Variants in GGA2 observed in about 807,000 individuals in gnomAD.
The protein encoded by GGA2 is golgi associated, gamma adaptin ear containing, ARF binding protein 2.
GGA2 carries 48 observed loss-of-function variants against 79.5 expected under a neutral mutation model. That is an observed-to-expected ratio of 0.60 (90% CI 0.48 to 0.77). The LOEUF is 0.77. Among genes scored for constraint, GGA2 ranks in the 30% least tolerant of loss-of-function variants. GGA2 has a pLI of 0.00. For synonymous variants in GGA2, 317 were observed against 302.0 expected (o/e 1.05, Z -0.51); for missense variants, 770 against 774.0 (o/e 0.99, Z 0.06).
chr16:23,510,464 T>G lies in GGA2; in HGVS notation c.-53A>C. On this transcript the variant is annotated 5_prime_UTR_variant, in exon 1 of 17. Coordinates refer to ENST00000309859, the MANE Select transcript of GGA2 (RefSeq NM_015044.4). ...GGCGCCACTGCCTCTTCAGCCGCTG[T>G]AGCGTCCTGGCGCTCTCCTCTGCTG... The G allele has an allele frequency of 3.1e-6, 2 of 643,318 alleles. No individual in the cohort carries two copies. Among genetic ancestry groups the G allele is most frequent in the Non-Finnish European group, 4.6e-6 (2 of 438,190 alleles). The allele number at this position is 643,318 out of a possible 1,614,324, so 39.9% of individuals were successfully genotyped here.
chr16:23,487,269 C>T (rs1004112194), intron 6 of GGA2, among the ~76,000 whole-genome samples: 3 of 152,176 alleles, frequency 2.0e-5, no homozygotes, highest in Admixed American at 1.3e-4. Flanking sequence ...CGTAAGCCAG[C>T]GTGCCTGGCC....
intron 8 of GGA2, among the ~76,000 whole-genome samples, chr16:23,483,412 A>G (rs1302874664): frequency 6.6e-6 from 1 of 152,108 alleles, no homozygotes; most frequent in Non-Finnish European, 1.5e-5. Context: ...AGGAATTTGG[A>G]AAGACAGTAG....
intron 15 of GGA2, chr16:23,469,546 A>G (rs529127813): frequency 6.3e-6 from 1 of 158,546 alleles, no homozygotes; most frequent in South Asian, 1.9e-4. Context: ...ACATTGGCCA[A>G]GTGTCTCATA....
intron 8 of GGA2, among the ~76,000 whole-genome samples, chr16:23,483,826 T>C (rs1964679416): frequency 6.6e-6 from 1 of 151,430 alleles, no homozygotes. Context: ...ACTGTATTTT[T>C]AGTAGAGATG....
upstream of GGA2, among the ~76,000 whole-genome samples, chr16:23,514,474 G>A (rs1006430388): frequency 6.6e-6 from 1 of 151,298 alleles, no homozygotes; most frequent in African/African-American, 2.4e-5. Context: ...TTGAGACAGG[G>A]TCTTGCTCTG....
rs913490174 is a variant in GGA2 at position 23,463,628 on chromosome 16, G to A, written c.*3962C>T. On this transcript the variant is annotated 3_prime_UTR_variant, in exon 17 of 17. Transcript: ENST00000309859. ...TTTATCTATAATTCCCTGACCCAAA[G>A]ATTACCACTGTCAGATGTGCACACA... 6.6e-6 allele frequency: 1 copy of A among 152,198 alleles called. No individual in the cohort carries two copies. The highest frequency in any genetic ancestry group is 1.9e-4 in the East Asian group (1 of 5,198). The allele number at this position is 152,198 out of a possible 1,614,324, so 9.4% of individuals were successfully genotyped here.
At chr16:23,493,696 T>C (rs2142133417) in intron 3 of GGA2, 1 of 483,282 alleles carries the variant, frequency 2.1e-6, no homozygotes, top group African/African-American at 2.0e-5. Context: ...TAGTGAGGTA[T>C]GTCAAACCCT....
At chr16:23,496,560 C>T (rs990013871) in intron 1 of GGA2, among the ~76,000 whole-genome samples, 2 of 152,080 alleles carry the variant, frequency 1.3e-5, no homozygotes, top group Non-Finnish European at 2.9e-5. Flanking sequence ...TGGTGGCTCA[C>T]ACCTGTAATC....
Position 23,479,795 on chromosome 16 carries a change from A to G in GGA2, c.1099T>C (p.Ser367Pro). The G allele has an allele frequency of 6.2e-7, 1 of 1,614,128 alleles. No homozygotes were observed. Among genetic ancestry groups the G allele is most frequent in the Non-Finnish European group, 8.5e-7 (1 of 1,180,000 alleles). The stretch of plus-strand genomic sequence containing the variant: ...GCTGCCAGGTCCTGATGAAGCAAAG[A>G]TGGCACCACAGTCCCCATCTGCGCA... ...GPAQMGTVVPSLLHQDLAALG... is the reference protein window; with the variant it reads ...GPAQMGTVVPPLLHQDLAALG... Residue 367 changes from serine to proline, a missense_variant, in exon 11 of 17, where the codon TCT (serine) becomes CCT (proline). Transcript: ENST00000309859.
At chr16:23,475,122 G>C (rs560145146) in intron 13 of GGA2, 61 bp from the exon 14 acceptor site, 1 of 1,070,632 alleles carries the variant, frequency 9.3e-7, no homozygotes, top group African/African-American at 1.6e-5. Flanking sequence ...CTGGAATCTG[G>C]GTTAGGCTTA....
At chr16:23,469,074 G>T in intron 15 of GGA2, 78 bp from the exon 16 acceptor site, 1 of 901,088 alleles carries the variant, frequency 1.1e-6, no homozygotes, top group African/African-American at 1.6e-5. Context: ...AGGGGGAGCT[G>T]GACCTCCCCA....
At chr16:23,512,336 G>A (rs537893394), upstream of GGA2, among the ~76,000 whole-genome samples, 7 of 152,294 alleles carry the variant, frequency 4.6e-5, no homozygotes, top group East Asian at 5.8e-4. Flanking sequence ...TATGGCCTGC[G>A]TTCCACAGGA....
In GGA2 at chr16:23,482,854, G is replaced by C. The variant is rs560506279; in HGVS notation, c.880+69C>G. On this transcript the variant is annotated intron_variant, in intron 9 of 16. Transcript: ENST00000309859. ...ACTCTGTCTTGTTCCTGGCACAGCA[G>C]TGTGACAGGAGGGACCGAGTCTGTC... 95 of 918,006 alleles carry C rather than the reference G, an allele frequency of 1.0e-4. No individual in the cohort carries two copies. The South Asian group carries it at 1.2e-3, about 12-fold the overall frequency. 56.9% of individuals were successfully genotyped at this position (918,006 alleles called of 1,614,324 possible). A position where few individuals can be genotyped will look rare whatever the true frequency, so the allele number is the denominator to read the frequency against.
chr16:23,495,406 A>T (rs1350964687), intron 2 of GGA2: 1 of 222,734 alleles, frequency 4.5e-6, no homozygotes, highest in African/African-American at 2.3e-5. Flanking sequence ...CTAATTTTAG[A>T]AAAATAATGT....
At chr16:23,500,937 C>T in intron 1 of GGA2, 3 of 277,314 alleles carry the variant, frequency 1.1e-5, no homozygotes, top group Non-Finnish European at 1.4e-5. Context: ...ACCATGGCAT[C>T]TTGATAGAAA....
chr16:23,476,886 T>C (rs1964582149), intron 13 of GGA2, among the ~76,000 whole-genome samples: 1 of 152,218 alleles, frequency 6.6e-6, no homozygotes, highest in African/African-American at 2.4e-5. Flanking sequence ...TCTTTTCAGA[T>C]GTCTTGGCCA....
intron 2 of GGA2, 168 bp from the exon 3 acceptor site, chr16:23,494,546 C>G: frequency 1.6e-6 from 1 of 623,734 alleles, no homozygotes; most frequent in Admixed American, 2.7e-5. Flanking sequence ...AGGGCCACCT[C>G]GCACCCACCC....
chr16:23,482,897 G>C, intron 9 of GGA2, 26 bp downstream of exon 9: 1 of 1,402,424 alleles, frequency 7.1e-7, no homozygotes, highest in South Asian at 1.2e-5. Flanking sequence ...TGGGCTGCTA[G>C]CTACACCCAA....
At chr16:23,481,038 T>G (rs1017801146) in intron 9 of GGA2, among the ~76,000 whole-genome samples, 4 of 152,206 alleles carry the variant, frequency 2.6e-5, no homozygotes, top group African/African-American at 9.7e-5. Flanking sequence ...CAGTAAGCAC[T>G]CAAATTAAGG....
Sources: gnomAD v4.1 joint callset for allele counts (sites outside exome capture counted in the v4.1 genomes callset) on GRCh38, gnomAD v4.1.1 for gene constraint, MANE v1.5 for transcripts, NCBI Gene and HGNC (gene_info 2026-07-23, HGNC 2026-07-21) for gene names.